The following FHOD3 variants were observed in gnomAD, a reference collection of about 807,000 sequenced individuals.
FHOD3 encodes the protein formin homology 2 domain containing 3.
Under a neutral mutation model 173.0 loss-of-function variants are expected in FHOD3, and 90 were observed. The ratio of observed to expected loss-of-function variants is 0.52; its 90% CI spans 0.44 to 0.62. The LOEUF is 0.62. FHOD3 is among the 20% of genes least tolerant of loss of function. The probability of loss-of-function intolerance (pLI) is 0.00; values close to 1 mark genes in which losing one functional copy is unlikely to be tolerated. For missense variants in FHOD3, 1,945 were observed against 2,034.7 expected, an observed-to-expected ratio of 0.96 and a Z score of 0.85; for synonymous variants, 828 against 823.0, an observed-to-expected ratio of 1.01 and a Z score of -0.10.
At position 36,744,029 on chromosome 18, in the gene FHOD3, C is replaced by T. The variant is rs1426194844; in HGVS notation, c.3880-3C>T. On this transcript the variant is annotated splice_polypyrimidine_tract_variant and splice_region_variant and intron_variant, in intron 22 of 28. Transcript: ENST00000590592. ...ATGTCTTTTATTGATGTTTGCAAAA[C>T]AGGCCAAAGCGTTTGAGTTAAGCTA... is the stretch of plus-strand genomic sequence containing the variant. The T allele has an allele frequency of 6.2e-7, 1 of 1,614,116 alleles. No individual in the cohort carries two copies. The highest frequency in any genetic ancestry group is 8.5e-7 in the Non-Finnish European group (1 of 1,180,016).
chr18:36,567,896 A>T (rs927969291), intron 5 of FHOD3, among the ~76,000 whole-genome samples: 1 of 152,046 alleles, frequency 6.6e-6, no homozygotes, highest in African/African-American at 2.4e-5. Context: ...GTGGGGTGGA[A>T]ACTCACTCAC....
At chr18:36,508,814 C>A (rs2055455600) in intron 4 of FHOD3, among the ~76,000 whole-genome samples, 1 of 152,116 alleles carries the variant, frequency 6.6e-6, no homozygotes, top group Non-Finnish European at 1.5e-5. Context: ...ACCTAATAAG[C>A]AAGAGGGAGT....
At chr18:36,479,130 A>G (rs551241716) in intron 3 of FHOD3, among the ~76,000 whole-genome samples, 120 of 152,272 alleles carry the variant, frequency 7.9e-4, no homozygotes, top group African/African-American at 2.8e-3. Context: ...AGTTGTTCAC[A>G]TGTATTACAG....
intron 3 of FHOD3, among the ~76,000 whole-genome samples, chr18:36,478,827 T>C (rs1042684511): frequency 2.4e-4 from 37 of 152,076 alleles, no homozygotes; most frequent in Non-Finnish European, 5.3e-4. Context: ...CCTACCCCAA[T>C]CCTCCCCACC....
At chr18:36,354,271 C>A (rs966935481) in intron 1 of FHOD3, among the ~76,000 whole-genome samples, 6 of 152,186 alleles carry the variant, frequency 3.9e-5, no homozygotes, top group Non-Finnish European at 7.3e-5. Context: ...TCAAATCAAA[C>A]TGCTGGTATC....
At chr18:36,769,035 C>T (rs555661890) in intron 27 of FHOD3, among the ~76,000 whole-genome samples, 1 of 152,268 alleles carries the variant, frequency 6.6e-6, no homozygotes, top group East Asian at 1.9e-4. Context: ...AAGTGCCCCG[C>T]GTATGGGTTT....
At position 36,592,906 on chromosome 18, in the gene FHOD3, T is replaced by TC. The variant is rs1207827591; in HGVS notation, c.607-1880dup. Among the ~76,000 whole-genome samples, 4 of 152,242 alleles carry TC rather than the reference T, an allele frequency of 2.6e-5. No individual in the cohort carries two copies. In the East Asian group the frequency reaches 7.7e-4, roughly 29 times the overall value. ...ATATGATGCCTGCTCAGGAGTTTGG[T>TC]CAGGCCTGGAGTGCAATATTTAGCA... On this transcript the variant is annotated intron_variant, in intron 6 of 28. Transcript: ENST00000590592.
At chr18:36,385,221 C>T (rs2047972245) in intron 3 of FHOD3, among the ~76,000 whole-genome samples, 1 of 152,206 alleles carries the variant, frequency 6.6e-6, no homozygotes, top group Non-Finnish European at 1.5e-5. Context: ...TAGCTACTAT[C>T]CTTTTTTAAG....
intron 13 of FHOD3, among the ~76,000 whole-genome samples, chr18:36,655,475 C>T (rs1013160604): frequency 5.3e-5 from 8 of 151,898 alleles, no homozygotes; most frequent in African/African-American, 1.7e-4. Flanking sequence ...TGAAGATACA[C>T]GTAAGTTGTG....
At chr18:36,634,853 C>T (rs181027051) in intron 10 of FHOD3, among the ~76,000 whole-genome samples, 57 of 152,234 alleles carry the variant, frequency 3.7e-4, no homozygotes, top group Middle Eastern at 3.4e-3. Flanking sequence ...TGAATATGGA[C>T]GTGAATTGGA....
Position 36,612,085 on chromosome 18 carries a change from A to C in FHOD3, c.947A>C (p.Asn316Thr). 6.2e-7 allele frequency: 1 copy of C among 1,613,868 alleles called. No individual in the cohort carries two copies. Among genetic ancestry groups the C allele is most frequent in the Non-Finnish European group, 8.5e-7 (1 of 1,179,904 alleles). Residue 316 changes from asparagine (N) to threonine (T), a missense_variant, in exon 9 of 29, where the codon AAC (asparagine) becomes ACC (threonine). Coordinates refer to ENST00000590592, the MANE Select transcript of FHOD3 (RefSeq NM_001281740.3). ...GACCTGGACTTAGTGGAGCAACTCA[A>C]CATTTATGAGGTACCAGACCATGCC... ...GTDLDLVEQL[N>T]IYEVALRHED... is the part of the protein sequence containing the mutation.
chr18:36,696,780 C>A (rs1246374457), intron 17 of FHOD3, among the ~76,000 whole-genome samples: 1 of 152,122 alleles, frequency 6.6e-6, no homozygotes, highest in Non-Finnish European at 1.5e-5. Flanking sequence ...AAAGTACCAG[C>A]CCAAGGGAGG....
At chr18:36,451,373 T>G (rs2051833089) in intron 3 of FHOD3, among the ~76,000 whole-genome samples, 1 of 152,230 alleles carries the variant, frequency 6.6e-6, no homozygotes, top group Admixed American at 6.5e-5. Context: ...CAGTACCAGT[T>G]AAAGAAAGCA....
rs567112030 is a variant in FHOD3 at position 36,639,188 on chromosome 18, C to T, written c.1197-10128C>T. Among the ~76,000 whole-genome samples the T allele has an allele frequency of 4.1e-4, 62 of 152,312 alleles. 2 individuals are homozygous for T. Among genetic ancestry groups the T allele is most frequent in the African/African-American group, 5.1e-4 (21 of 41,578 alleles). ...TCCACAGTTCTTAGGAAAATGCAGC[C>T]TATCTTCATCCTAATTTCTCTGTCA... On this transcript the variant is annotated intron_variant, in intron 10 of 28. Transcript: ENST00000590592.
At position 36,760,651 on chromosome 18, in the gene FHOD3, C is replaced by A. The variant is rs148788615; in HGVS notation, c.4493C>A (p.Pro1498Gln). Residue 1498 changes from proline (P) to glutamine (Q), a missense_variant, in exon 27 of 29, where the codon CCG becomes CAG. Transcript: ENST00000590592. Reference sequence around the variant, plus strand: ...AGTTCTCCGGCGCCCCCAAGCCAGCCGCAGGGTCTGAGCTATGCGGAGGAC... The same window carrying A: ...AGTTCTCCGGCGCCCCCAAGCCAGCAGCAGGGTCTGAGCTATGCGGAGGAC... ...SGSSPAPPSQ[P>Q]QGLSYAEDAA... The A allele has an allele frequency of 6.3e-7, 1 of 1,598,870 alleles. No individual in the cohort carries two copies.
intron 14 of FHOD3, among the ~76,000 whole-genome samples, chr18:36,660,038 AG>A (rs1262863651): frequency 3.9e-5 from 6 of 152,160 alleles, no homozygotes; most frequent in Non-Finnish European, 7.3e-5. Flanking sequence ...TGGGAGGCCG[AG>A]GTGGGCAGAT....
intron 3 of FHOD3, among the ~76,000 whole-genome samples, chr18:36,410,268 C>T (rs185825254): frequency 1.4e-3 from 212 of 152,234 alleles, no homozygotes; most frequent in Non-Finnish European, 2.7e-3. Context: ...CATATATAGC[C>T]TTTTGTGTCT....
At chr18:36,586,934 C>T (rs1348530873) in intron 6 of FHOD3, among the ~76,000 whole-genome samples, 1 of 152,072 alleles carries the variant, frequency 6.6e-6, no homozygotes, top group Non-Finnish European at 1.5e-5. Flanking sequence ...GGGGGTCTTT[C>T]CCTGATTGGT....
intron 9 of FHOD3, among the ~76,000 whole-genome samples, chr18:36,616,620 A>C: frequency 6.6e-6 from 1 of 152,222 alleles, no homozygotes; most frequent in Admixed American, 6.5e-5. Flanking sequence ...TTAAAGAGCA[A>C]TAAAACAAAT....
Sources: allele counts gnomAD v4.1 joint callset (sites outside exome capture counted in the v4.1 genomes callset), GRCh38; gene constraint gnomAD v4.1.1; transcripts MANE v1.5; gene names NCBI Gene and HGNC (gene_info 2026-07-23, HGNC 2026-07-21).